ACOT8: variants seen among roughly 807,000 people sequenced by gnomAD.
The protein encoded by ACOT8 is acyl-CoA thioesterase 8.
A neutral mutation model predicts 38.4 loss-of-function variants in ACOT8; 31 were observed. That is an observed-to-expected ratio of 0.81 (90% confidence interval 0.61 to 1.09). ACOT8 has a LOEUF of 1.09. Among genes scored for constraint, ACOT8 ranks in the 50% least tolerant of loss-of-function variants. ACOT8 has a pLI of 0.00. For missense variants in ACOT8, 373 were observed against 421.8 expected, an observed-to-expected ratio of 0.88 and a Z score of 1.01; for synonymous variants, 158 against 170.3, an observed-to-expected ratio of 0.93 and a Z score of 0.56.
At chr20:45,843,457 G>T (rs1984410919) in intron 5 of ACOT8, 70 bp downstream of exon 5, 2 of 1,548,676 alleles carry the variant, frequency 1.3e-6, no homozygotes, top group Admixed American at 1.9e-5. Context: ...CGGGAAATCA[G>T]CATCACCCAA....
chr20:45,846,617 G>A (rs1415784710), intron 3 of ACOT8, among the ~76,000 whole-genome samples: 1 of 152,168 alleles, frequency 6.6e-6, no homozygotes, highest in African/African-American at 2.4e-5. Flanking sequence ...TAAGAAGTAG[G>A]CAGGGCAGAA....
At chr20:45,847,029 G>A (rs1193843147) in intron 3 of ACOT8, among the ~76,000 whole-genome samples, 4 of 152,044 alleles carry the variant, frequency 2.6e-5, no homozygotes, top group South Asian at 2.1e-4. Flanking sequence ...TCAACATAGC[G>A]AAACCTGGTC....
At chr20:45,846,131 C>T (rs976686427) in intron 3 of ACOT8, among the ~76,000 whole-genome samples, 5 of 152,214 alleles carry the variant, frequency 3.3e-5, no homozygotes, top group East Asian at 1.9e-4. Context: ...TGAACCACTG[C>T]GCCCGGACCT....
chr20:45,851,772 A>G (rs1227412657), intron 2 of ACOT8, among the ~76,000 whole-genome samples: 1 of 152,228 alleles, frequency 6.6e-6, no homozygotes, highest in Non-Finnish European at 1.5e-5. Context: ...AATGTTTACT[A>G]TCTGGCCCTT....
intron 2 of ACOT8, among the ~76,000 whole-genome samples, chr20:45,852,534 G>T (rs1315896659): frequency 6.6e-6 from 1 of 152,118 alleles, no homozygotes; most frequent in Non-Finnish European, 1.5e-5. Context: ...ACCACAAACA[G>T]ATAAGAGCTC....
At chr20:45,855,430 C>CTCAAATAT (rs1985350818) in intron 1 of ACOT8, 138 bp from the exon 2 acceptor site, 1 of 1,239,406 alleles carries the variant, frequency 8.1e-7, no homozygotes, top group East Asian at 2.5e-5. Flanking sequence ...AGCCATAGGT[C>CTCAAATAT]CTTTCCCCAG....
chr20:45,848,744 T>G (rs796721209), intron 2 of ACOT8, 69 bp from the exon 3 acceptor site: 5 of 1,317,638 alleles, frequency 3.8e-6, no homozygotes, highest in South Asian at 2.7e-5. Context: ...ACAGGCACTC[T>G]ACTACTCATC....
intron 5 of ACOT8, 52 bp downstream of exon 5, chr20:45,843,475 G>A: frequency 6.3e-7 from 1 of 1,583,818 alleles, no homozygotes; most frequent in Non-Finnish European, 8.6e-7. Context: ...CAAGAAAGCA[G>A]GCTCCTGCCA....
At chr20:45,846,391 C>T (rs548915118) in intron 3 of ACOT8, among the ~76,000 whole-genome samples, 1 of 152,106 alleles carries the variant, frequency 6.6e-6, no homozygotes, top group East Asian at 1.9e-4. Context: ...TCACAGCAGC[C>T]TTATGAGGTA....
intron 3 of ACOT8, among the ~76,000 whole-genome samples, chr20:45,847,045 T>TA (rs1191158124): frequency 6.6e-6 from 1 of 151,844 alleles, no homozygotes; most frequent in African/African-American, 2.4e-5. Flanking sequence ...TGGTCTCTAC[T>TA]AAAAAAATAC....
intron 5 of ACOT8, chr20:45,842,597 G>C: frequency 2.0e-6 from 2 of 993,834 alleles, no homozygotes; most frequent in Non-Finnish European, 2.4e-6. Flanking sequence ...TGCTGGCTTT[G>C]GGCCCAAGTT....
At chr20:45,848,748 A>G in intron 2 of ACOT8, 73 bp from the exon 3 acceptor site, 2 of 1,285,250 alleles carry the variant, frequency 1.6e-6, no homozygotes, top group Non-Finnish European at 2.1e-6. Flanking sequence ...GCACTCTACT[A>G]CTCATCTTCC....
chr20:45,854,356 C>T (rs1170076430), intron 2 of ACOT8, among the ~76,000 whole-genome samples: 1 of 150,852 alleles, frequency 6.6e-6, no homozygotes, highest in Non-Finnish European at 1.5e-5. Context: ...ACTACAGGCA[C>T]CCACCACCAC....
intron 4 of ACOT8, chr20:45,844,008 G>A: frequency 2.5e-6 from 2 of 788,918 alleles, no homozygotes; most frequent in Non-Finnish European, 4.0e-6. Flanking sequence ...ATAGTTAGCA[G>A]CAAAGCTGGA....
rs1347888844 is a variant in ACOT8, at chr20:45,842,952, G to A, written c.841+575C>T. 1.6e-5 allele frequency: 16 copies of A among 1,011,672 alleles called. No individual in the cohort carries two copies. In the South Asian group the frequency reaches 6.0e-4, roughly 38 times the overall value. The allele number at this position is 1,011,672 out of a possible 1,614,324, so 62.7% of individuals were successfully genotyped here. A position where few individuals can be genotyped will look rare whatever the true frequency, so the allele number is the denominator to read the frequency against. On this transcript the variant is annotated intron_variant, in intron 5 of 5. Transcript: ENST00000217455. The stretch of plus-strand genomic sequence containing the variant: ...CAGGGTTCTGAAGCTAGACATTGAT[G>A]AACGAGTCTTGTTTCTCTCCCCTGC...
At chr20:45,842,351 G>C (rs1183404219) in intron 5 of ACOT8, 3 of 1,367,808 alleles carry the variant, frequency 2.2e-6, no homozygotes, top group Non-Finnish European at 2.8e-6. Flanking sequence ...AGAGGGAGGA[G>C]CTCTGAGAAC....
In ACOT8 at chr20:45,844,083, C is replaced by T. The variant is rs1984482757; in HGVS notation, c.646+180G>A. 3.2e-6 allele frequency: 3 copies of T among 930,178 alleles called. No individual in the cohort carries two copies. In the East Asian group the frequency reaches 7.9e-5, roughly 24 times the overall value. 57.6% of individuals were successfully genotyped at this position (930,178 alleles called of 1,614,324 possible). ...GGCCTTGTGTCGGGATTATAGTCAT[C>T]TCCACCTTCTCCCCATGCAAAGGGC... On this transcript the variant is annotated intron_variant, in intron 4 of 5. Transcript: ENST00000217455.
intron 3 of ACOT8, among the ~76,000 whole-genome samples, chr20:45,846,900 A>C (rs768214596): frequency 6.6e-6 from 1 of 152,186 alleles, no homozygotes; most frequent in African/African-American, 2.4e-5. Context: ...ATTTTTGTAC[A>C]TATGTTTTAT....
chr20:45,841,800 G>C lies in ACOT8; in HGVS notation c.*38C>G, dbSNP rs1349852160. ...CTGTCTCAGGAATGGGGATAGATGGGAGGTTCTTGAAGCCCCAGGCGAAGC... is the reference window on the plus strand; with the variant it reads ...CTGTCTCAGGAATGGGGATAGATGGCAGGTTCTTGAAGCCCCAGGCGAAGC... On this transcript the variant is annotated 3_prime_UTR_variant, in exon 6 of 6. Transcript: ENST00000217455. 1 of 1,555,390 alleles carries C rather than the reference G, an allele frequency of 6.4e-7. No homozygotes were observed. Among genetic ancestry groups the C allele is most frequent in the East Asian group, 2.3e-5 (1 of 44,090 alleles).
Sources: gnomAD v4.1 joint callset for allele counts (sites outside exome capture counted in the v4.1 genomes callset) on GRCh38, gnomAD v4.1.1 for gene constraint, MANE v1.5 for transcripts, NCBI Gene and HGNC (gene_info 2026-07-23, HGNC 2026-07-21) for gene names.